Variants in HK1 observed in about 807,000 individuals in gnomAD.
HK1 encodes the protein hexokinase 1.
In HK1, 28 loss-of-function variants were observed where a neutral mutation model predicts 91.6. The ratio of observed to expected loss-of-function variants is 0.31; its 90% CI spans 0.23 to 0.42. HK1 has a LOEUF of 0.42. Among genes scored for constraint, HK1 ranks in the 10% least tolerant of loss-of-function variants. The pLI, the probability that HK1 is intolerant of heterozygous loss-of-function variation, is 1.00. For missense variants in HK1, 770 were observed against 1,219.8 expected (o/e 0.63, Z 5.49); for synonymous variants, 430 against 468.1 (o/e 0.92, Z 1.05).
chr10:69,283,168 AG>A (rs1844844308), intron 2 of HK1, among the ~76,000 whole-genome samples: 1 of 132,674 alleles, frequency 7.5e-6, no homozygotes, highest in South Asian at 2.5e-4. Context: ...ATAATCTGGC[AG>A]GGTGCGGTGG....
intron 3 of HK1, among the ~76,000 whole-genome samples, chr10:69,363,276 A>G (rs369588085): frequency 2.0e-5 from 3 of 152,336 alleles, no homozygotes; most frequent in South Asian, 2.1e-4. Context: ...AAGTGTATAT[A>G]TATACGCTCA....
chr10:69,384,243 C>A, intron 10 of HK1, 90 bp from the exon 11 acceptor site: 1 of 1,477,460 alleles, frequency 6.8e-7, no homozygotes, highest in Non-Finnish European at 9.5e-7. Context: ...CTATGGGGTT[C>A]TCCCCTTGAA....
At chr10:69,400,950 C>T (rs1197032711) in intron 17 of HK1, 41 bp from the exon 18 acceptor site, 9 of 1,613,186 alleles carry the variant, frequency 5.6e-6, no homozygotes, top group Middle Eastern at 3.3e-4. Flanking sequence ...CAGCGTCTCT[C>T]ATCTTCCTCC....
At chr10:69,296,143 C>T (rs1845554411) in intron 4 of HK1, 2 of 195,630 alleles carry the variant, frequency 1.0e-5, no homozygotes, top group Non-Finnish European at 2.1e-5. Context: ...CATTTAGCCC[C>T]AAATCAAAGA....
At chr10:69,355,835 C>T (rs947794091) in intron 2 of HK1, among the ~76,000 whole-genome samples, 8 of 151,990 alleles carry the variant, frequency 5.3e-5, no homozygotes, top group Middle Eastern at 6.8e-3. Flanking sequence ...GCATACATTA[C>T]GGTCAATTGA....
At chr10:69,277,883 C>G (rs1018170920) in intron 1 of HK1, among the ~76,000 whole-genome samples, 2 of 151,962 alleles carry the variant, frequency 1.3e-5, no homozygotes, top group Non-Finnish European at 2.9e-5. Context: ...AAATACAAAA[C>G]TTAGCTGGGC....
intron 1 of HK1, among the ~76,000 whole-genome samples, chr10:69,337,747 G>A (rs1848062431): frequency 6.6e-6 from 1 of 152,222 alleles, no homozygotes; most frequent in Non-Finnish European, 1.5e-5. Context: ...AGCAGCTTCA[G>A]TCACGCCTGC....
chr10:69,360,185 A>G, intron 3 of HK1, 140 bp downstream of exon 3: 2 of 814,194 alleles, frequency 2.5e-6, no homozygotes, highest in Non-Finnish European at 4.1e-6. Flanking sequence ...TGCATATGTA[A>G]AAGGACTCCT....
chr10:69,338,628 C>T (rs1173952373), intron 1 of HK1: 14 of 1,287,998 alleles, frequency 1.1e-5, no homozygotes, highest in Middle Eastern at 2.7e-4. Context: ...AGTAAAGCAG[C>T]GGTGATGTGG....
At position 69,384,934 on chromosome 10, in the gene HK1, G is replaced by A. The variant is rs1839563458; in HGVS notation, c.1839+19G>A. The A allele has an allele frequency of 1.2e-6, 2 of 1,613,956 alleles. No individual in the cohort carries two copies. The highest frequency in any genetic ancestry group is 1.7e-6 in the Non-Finnish European group (2 of 1,180,024). On this transcript the variant is annotated intron_variant, in intron 12 of 17. Transcript: ENST00000359426. Reference sequence around the variant, plus strand: ...GGACGCGGTGAGTCTCTGTTCTTAGGGCTCAGTGATCGGGCAGCACTGAGT... The same window carrying A: ...GGACGCGGTGAGTCTCTGTTCTTAGAGCTCAGTGATCGGGCAGCACTGAGT...
chr10:69,327,173 T>G (rs1262187315), intron 1 of HK1, among the ~76,000 whole-genome samples: 1 of 152,036 alleles, frequency 6.6e-6, no homozygotes, highest in Non-Finnish European at 1.5e-5. Context: ...GTATTTTTAG[T>G]AGAGACGGGG....
chr10:69,358,258 A>T (rs1341418798), intron 2 of HK1, among the ~76,000 whole-genome samples: 2 of 152,128 alleles, frequency 1.3e-5, no homozygotes, highest in African/African-American at 4.8e-5. Flanking sequence ...AACTAATGAG[A>T]TGAAGGGTAG....
intron 1 of HK1, among the ~76,000 whole-genome samples, chr10:69,271,945 C>A (rs946783915): frequency 2.6e-5 from 4 of 151,938 alleles, no homozygotes; most frequent in Admixed American, 1.3e-4. Flanking sequence ...CTCACTGAAA[C>A]CTCCACCCCC....
At chr10:69,389,091 A>T (rs1839778478) in intron 13 of HK1, 106 bp from the exon 14 acceptor site, 2 of 814,184 alleles carry the variant, frequency 2.5e-6, no homozygotes, top group Non-Finnish European at 4.2e-6. Context: ...ACCATCTTAG[A>T]TGATGACCAG....
At chr10:69,286,906 T>G (rs1475958606) in intron 2 of HK1, among the ~76,000 whole-genome samples, 9 of 152,120 alleles carry the variant, frequency 5.9e-5, no homozygotes, top group African/African-American at 2.2e-4. Flanking sequence ...TCGAGGAAGC[T>G]CATAGAGAAA....
intron 1 of HK1, among the ~76,000 whole-genome samples, chr10:69,337,662 T>C (rs1459339454): frequency 6.6e-6 from 1 of 152,230 alleles, no homozygotes; most frequent in Non-Finnish European, 1.5e-5. Flanking sequence ...TTCTTAACCC[T>C]TCAGGGTGCA....
upstream of HK1, among the ~76,000 whole-genome samples, chr10:69,311,868 C>T (rs1210972933): frequency 6.6e-6 from 1 of 152,174 alleles, no homozygotes; most frequent in African/African-American, 2.4e-5. Flanking sequence ...AACTCCTGAC[C>T]TCGTGATCCG....
intron 14 of HK1, 83 bp from the exon 15 acceptor site, chr10:69,392,042 C>A: frequency 7.1e-7 from 1 of 1,415,938 alleles, no homozygotes; most frequent in African/African-American, 1.4e-5. Flanking sequence ...GCCTGTGGAA[C>A]CTCAGGCCCC....
At chr10:69,392,380 C>CA in intron 15 of HK1, 72 bp downstream of exon 15, 2 of 1,507,212 alleles carry the variant, frequency 1.3e-6, no homozygotes, top group Non-Finnish European at 1.8e-6. Flanking sequence ...CTGCCACTTG[C>CA]AGTGGAAGAA....
Sources: allele counts gnomAD v4.1 joint callset (sites outside exome capture counted in the v4.1 genomes callset), GRCh38; gene constraint gnomAD v4.1.1; transcripts MANE v1.5; gene names NCBI Gene and HGNC (gene_info 2026-07-23, HGNC 2026-07-21).